RSKR: variants seen among roughly 807,000 people sequenced by gnomAD.
RSKR encodes ribosomal protein S6 kinase related, also known as ribosomal protein S6 kinase-related protein.
In RSKR, 44 loss-of-function variants were observed where a neutral mutation model predicts 56.8. The observed-to-expected ratio is 0.77, with a 90% confidence interval of 0.61 to 1.00. The LOEUF (loss-of-function observed/expected upper bound fraction) is 1.00. Ranked by LOEUF, RSKR falls within the 50% of genes least tolerant of loss-of-function variation. The probability of loss-of-function intolerance (pLI) is 0.00; values close to 1 mark genes in which losing one functional copy is unlikely to be tolerated. For missense variants in RSKR, 510 were observed against 506.9 expected, an observed-to-expected ratio of 1.01 and a Z score of -0.06; for synonymous variants, 181 against 188.0, an observed-to-expected ratio of 0.96 and a Z score of 0.30.
chr17:28,612,544 G>A, intron 5 of RSKR, 74 bp downstream of exon 5: 2 of 1,527,840 alleles, frequency 1.3e-6, no homozygotes, highest in East Asian at 2.3e-5. Flanking sequence ...GGCAGAACAA[G>A]CCAAAGAGGT....
rs1030981713 is a variant in RSKR, at chr17:28,610,446, C to T, written c.*32G>A. Reference sequence around the variant, plus strand: ...AGGCAGGGATGGAGATCTTCAGGCTCCCAGCCGGGCCCCAATTTACAGTAG... The same window carrying T: ...AGGCAGGGATGGAGATCTTCAGGCTTCCAGCCGGGCCCCAATTTACAGTAG... On this transcript the variant is annotated 3_prime_UTR_variant, in exon 12 of 12. Coordinates refer to ENST00000301037, the MANE Select transcript of RSKR (RefSeq NM_001174103.2). The T allele has an allele frequency of 3.9e-5, 59 of 1,528,378 alleles. No individual in the cohort carries two copies. The highest frequency in any genetic ancestry group is 5.0e-5 in the Non-Finnish European group (57 of 1,140,402). 94.7% of individuals were successfully genotyped at this position (1,528,378 alleles called of 1,614,324 possible). A position where few individuals can be genotyped will look rare whatever the true frequency, so the allele number is the denominator to read the frequency against.
chr17:28,613,827 C>T, intron 1 of RSKR, 139 bp from the exon 2 acceptor site: 1 of 1,281,676 alleles, frequency 7.8e-7, no homozygotes, highest in South Asian at 1.5e-5. Context: ...TCCCATTACC[C>T]TTGCTTTGTG....
Position 28,609,594 on chromosome 17 carries a change from A to G in RSKR, c.*884T>C, listed in dbSNP as rs2070784660. On this transcript the variant is annotated 3_prime_UTR_variant, in exon 12 of 12. Coordinates refer to ENST00000301037, the MANE Select transcript of RSKR (RefSeq NM_001174103.2). The stretch of plus-strand genomic sequence containing the variant: ...CTCCCAGACTATATTTTTTAGCTGC[A>G]TTATTTAGGGGTTGAAATGCCAGCT... 6.6e-6 allele frequency: 1 copy of G among 151,968 alleles called. No homozygotes were observed. The highest frequency in any genetic ancestry group is 1.5e-5 in the Non-Finnish European group (1 of 67,988). The allele number at this position is 151,968 out of a possible 1,614,324, so 9.4% of individuals were successfully genotyped here.
In RSKR at chr17:28,608,617, A is replaced by G. The variant is rs1025488561; in HGVS notation, c.*1861T>C. 6.6e-6 allele frequency: 1 copy of G among 152,144 alleles called. No individual in the cohort carries two copies. The highest frequency in any genetic ancestry group is 1.5e-5 in the Non-Finnish European group (1 of 68,030). 9.4% of individuals were successfully genotyped at this position (152,144 alleles called of 1,614,324 possible). On this transcript the variant is annotated 3_prime_UTR_variant, in exon 12 of 12. Transcript: ENST00000301037. ...GTGATCCGCCCACCTCAGCCTCCCAAAGTGCTGGGATTACAAGTGTGAGCC... is the reference window on the plus strand; with the variant it reads ...GTGATCCGCCCACCTCAGCCTCCCAGAGTGCTGGGATTACAAGTGTGAGCC...
At position 28,612,312 on chromosome 17, in the gene RSKR, A is replaced by G; in HGVS notation, c.602T>C (p.Phe201Ser). The G allele has an allele frequency of 6.2e-7, 1 of 1,614,226 alleles. No homozygotes were observed. The highest frequency in any genetic ancestry group is 8.5e-7 in the Non-Finnish European group (1 of 1,180,036). Residue 201 changes from phenylalanine to serine, a missense_variant, in exon 6 of 12, where the codon TTT becomes TCT. Phe to Ser is a radical substitution (Grantham distance 155). Transcript: ENST00000301037. ...LYSLWSAVGC[F>S]PEASIRLFAA... ...AAAGAGACGGATGGAAGCCTCAGGA[A>G]AGCAGCCAACAGCCGACCAAAGGGA...
In RSKR at chr17:28,612,290, G is replaced by C. The variant is rs377496002; in HGVS notation, c.624C>G (p.Leu208=). ...GTACCAGCACCAACTCGGCAGCAAA[G>C]AGACGGATGGAAGCCTCAGGAAAGC... is the stretch of plus-strand genomic sequence containing the variant. The part of the protein sequence containing the change: ...VGCFPEASIR[L]FAAELVLVLC... The change falls in exon 6 of 12, where the codon CTC becomes CTG. Residue 208 remains leucine (L), a synonymous_variant. Transcript: ENST00000301037. 16 of 1,614,042 alleles carry C rather than the reference G, an allele frequency of 9.9e-6. No individual in the cohort carries two copies. In the African/African-American group the frequency reaches 1.6e-4, roughly 16 times the overall value.
Position 28,614,104 on chromosome 17 carries a change from C to A in RSKR, c.58G>T (p.Val20Leu), listed in dbSNP as rs531867479. Reference sequence around the variant, plus strand: ...CAGCCTACCTTGTGAGGGACAGCCACCCGGGTGTGTTCCCCCTGCTGGGTG... The same window carrying A: ...CAGCCTACCTTGTGAGGGACAGCCAACCGGGTGTGTTCCCCCTGCTGGGTG... ...QHTQQGEHTR[V>L]AVPHKQGGNI... The change falls in exon 1 of 12, where the codon GTG becomes TTG. Residue 20 changes from valine to leucine, a missense_variant. Coordinates refer to ENST00000301037, the MANE Select transcript of RSKR (RefSeq NM_001174103.2). The A allele has an allele frequency of 8.7e-6, 14 of 1,613,660 alleles. No homozygotes were observed. Among genetic ancestry groups the A allele is most frequent in the Non-Finnish European group, 1.2e-5 (14 of 1,179,886 alleles).
chr17:28,611,806 A>G lies in RSKR; in HGVS notation c.694-11T>C. The G allele has an allele frequency of 6.2e-7, 1 of 1,614,254 alleles. No homozygotes were observed. Among genetic ancestry groups the G allele is most frequent in the Middle Eastern group, 1.6e-4 (1 of 6,062 alleles). ...AAGAATATTCTCCATCTGAAAGATC[A>G]CAGGTGAGAAGTAATTCTTCCTCTT... On this transcript the variant is annotated splice_polypyrimidine_tract_variant and intron_variant, in intron 7 of 11. Coordinates refer to ENST00000301037, the MANE Select transcript of RSKR (RefSeq NM_001174103.2).
chr17:28,612,851 C>T (rs2070839663), intron 4 of RSKR, 164 bp from the exon 5 acceptor site: 1 of 763,006 alleles, frequency 1.3e-6, no homozygotes, highest in African/African-American at 1.7e-5. Context: ...AATCCTAGAA[C>T]CAGCAAATAC....
In RSKR at chr17:28,611,412, A is replaced by T; in HGVS notation, c.881T>A (p.Phe294Tyr). The T allele has an allele frequency of 6.3e-7, 1 of 1,598,270 alleles. No homozygotes were observed. Reference sequence around the variant, plus strand: ...TCTCACCTTTCCAGTCGCCAGAGAGAAAAGCAAGACACCCAGGGACCACCA... The same window carrying T: ...TCTCACCTTTCCAGTCGCCAGAGAGTAAAGCAAGACACCCAGGGACCACCA... The part of the protein sequence containing the change: ...ADWWSLGVLL[F>Y]SLATGKFPVA... The change falls in exon 10 of 12, where the codon TTC becomes TAC. Residue 294 changes from phenylalanine (F) to tyrosine (Y), a missense_variant. Phe to Tyr is a conservative substitution (Grantham distance 22). Coordinates refer to ENST00000301037, the MANE Select transcript of RSKR (RefSeq NM_001174103.2).
chr17:28,610,378 CA>C lies in RSKR; in HGVS notation c.*99del. The stretch of plus-strand genomic sequence containing the variant: ...AGGAGAGCAGAACGGTAAGAGGCTA[CA>C]AAATAAAAACAAACTGGATTATCAA... On this transcript the variant is annotated 3_prime_UTR_variant, in exon 12 of 12. Transcript: ENST00000301037. 1 of 1,153,058 alleles carries C rather than the reference CA, an allele frequency of 8.7e-7. No individual in the cohort carries two copies. Among genetic ancestry groups the C allele is most frequent in the Non-Finnish European group, 1.2e-6 (1 of 817,724 alleles). The allele number at this position is 1,153,058 out of a possible 1,614,324, so 71.4% of individuals were successfully genotyped here. A position where few individuals can be genotyped will look rare whatever the true frequency, so the allele number is the denominator to read the frequency against.
chr17:28,611,036 G>C, intron 11 of RSKR, 107 bp downstream of exon 11: 1 of 987,476 alleles, frequency 1.0e-6, no homozygotes, highest in Non-Finnish European at 1.5e-6. Context: ...TTAAGTTGGA[G>C]CCCCCTCAAA....
intron 1 of RSKR, 55 bp from the exon 2 acceptor site, chr17:28,613,743 C>T: frequency 6.2e-7 from 1 of 1,602,592 alleles, no homozygotes; most frequent in Non-Finnish European, 8.5e-7. Flanking sequence ...TAGCAGGTTC[C>T]ACCCATCTTA....
At position 28,611,667 on chromosome 17, in the gene RSKR, A is replaced by C. The variant is rs2070816639; in HGVS notation, c.722-11T>G. ...TCAGTTTCAGATGGCCTATGAAAGA[A>C]GGTAAGGCAACTGCACCACTGTTCC... On this transcript the variant is annotated splice_polypyrimidine_tract_variant and intron_variant, in intron 8 of 11. Transcript: ENST00000301037. 6.2e-7 allele frequency: 1 copy of C among 1,602,584 alleles called. No homozygotes were observed. The highest frequency in any genetic ancestry group is 8.5e-7 in the Non-Finnish European group (1 of 1,174,950).
In RSKR at chr17:28,611,420, G is replaced by A. The variant is rs1567633100; in HGVS notation, c.873C>T (p.Val291=). 1 of 1,600,672 alleles carries A rather than the reference G, an allele frequency of 6.2e-7. No homozygotes were observed. The highest frequency in any genetic ancestry group is 8.5e-7 in the Non-Finnish European group (1 of 1,178,470). The part of the protein sequence containing the change: ...NHAADWWSLG[V]LLFSLATGKF... ...TTCCAGTCGCCAGAGAGAAAAGCAA[G>A]ACACCCAGGGACCACCAATCAGCAG... The change falls in exon 10 of 12, where the codon GTC becomes GTT. Residue 291 remains valine (V), a synonymous_variant. Transcript: ENST00000301037.
intron 3 of RSKR, 40 bp from the exon 4 acceptor site, chr17:28,613,186 T>C (rs2070847412): frequency 3.7e-6 from 6 of 1,613,244 alleles, no homozygotes; most frequent in Admixed American, 3.3e-5. Context: ...GATAGTGCTA[T>C]TGAATTGTTT....
In RSKR at chr17:28,611,914, C is replaced by T; in HGVS notation, c.694-119G>A. ...CACTCAAATCTATACTCAGAGAGCC[C>T]TTCCCCAAATCCTTGGCACCCATGG... On this transcript the variant is annotated intron_variant, in intron 7 of 11. Coordinates refer to ENST00000301037, the MANE Select transcript of RSKR (RefSeq NM_001174103.2). 5 of 1,611,186 alleles carry T rather than the reference C, an allele frequency of 3.1e-6. No homozygotes were observed. The South Asian group carries it at 3.3e-5, about 11-fold the overall frequency.
chr17:28,610,507 A>T lies in RSKR; in HGVS notation c.1204T>A (p.Ser402Thr). Residue 402 changes from serine (S) to threonine (T), a missense_variant, in exon 12 of 12, where the codon TCC (serine) becomes ACC (threonine). Coordinates refer to ENST00000301037, the MANE Select transcript of RSKR (RefSeq NM_001174103.2). ...PFDDFDCDLESFLLYPIPA is the reference protein window; with the variant it reads ...PFDDFDCDLETFLLYPIPA ...GCAGGGATAGGGTAGAGCAAGAAGG[A>T]CTCCAGATCACAGTCAAAGTCGTCA... 4 of 1,535,878 alleles carry T rather than the reference A, an allele frequency of 2.6e-6. No individual in the cohort carries two copies. The highest frequency in any genetic ancestry group is 3.5e-6 in the Non-Finnish European group (4 of 1,146,866).
intron 10 of RSKR, 51 bp downstream of exon 10, chr17:28,611,342 C>T (rs2070810389): frequency 1.3e-6 from 2 of 1,533,236 alleles, no homozygotes; most frequent in African/African-American, 2.7e-5. Context: ...TTCCTTCTTC[C>T]CACCACAAGG....
Sources: gnomAD v4.1 joint callset for allele counts on GRCh38, gnomAD v4.1.1 for gene constraint, MANE v1.5 for transcripts, NCBI Gene and HGNC (gene_info 2026-07-23, HGNC 2026-07-21) for gene names.